Variants in GTF2I observed in about 807,000 individuals in gnomAD.
The protein encoded by GTF2I is general transcription factor II-I.
In GTF2I, 12 loss-of-function variants were observed where a neutral mutation model predicts 67.6. The observed-to-expected ratio is 0.18, with a 90% CI of 0.11 to 0.29. The LOEUF (loss-of-function observed/expected upper bound fraction) is 0.29. Ranked by LOEUF, GTF2I falls within the 10% of genes least tolerant of loss-of-function variation. The pLI, the probability that GTF2I is intolerant of heterozygous loss-of-function variation, is 1.00. For synonymous variants in GTF2I, 149 were observed against 197.0 expected, an observed-to-expected ratio of 0.76 and a Z score of 2.04; for missense variants, 271 against 580.1, an observed-to-expected ratio of 0.47 and a Z score of 5.47.
intron 3 of GTF2I, among the ~76,000 whole-genome samples, chr7:74,696,728 C>T (rs1788957987): frequency 6.6e-6 from 1 of 152,126 alleles, no homozygotes; most frequent in Admixed American, 6.5e-5. Flanking sequence ...CTCCTGACCT[C>T]AGGCGATCTG....
At chr7:74,687,365 C>T (rs1787829322) in intron 1 of GTF2I, among the ~76,000 whole-genome samples, 2 of 151,984 alleles carry the variant, frequency 1.3e-5, no homozygotes, top group Admixed American at 1.3e-4. Context: ...GCTGGGATTA[C>T]AGGTGCGTGC....
chr7:74,678,802 C>T (rs782341676), intron 1 of GTF2I, among the ~76,000 whole-genome samples: 123 of 152,072 alleles, frequency 8.1e-4, no homozygotes, highest in Non-Finnish European at 1.5e-3. Context: ...GACAGAGTCT[C>T]GCTCTGTCAC....
At chr7:74,721,403 T>A (rs180974066) in intron 12 of GTF2I, among the ~76,000 whole-genome samples, 2 of 152,194 alleles carry the variant, frequency 1.3e-5, no homozygotes, top group Non-Finnish European at 2.9e-5. Context: ...CATTTGTGAT[T>A]AAGTAGTAGA....
chr7:74,667,927 G>A (rs587740708), intron 1 of GTF2I, among the ~76,000 whole-genome samples: 7 of 150,396 alleles, frequency 4.7e-5, no homozygotes, highest in African/African-American at 1.7e-4. Context: ...TCCATCTCCC[G>A]GGTTCAAGTG....
chr7:74,708,191 T>G (rs1791019699), intron 8 of GTF2I, among the ~76,000 whole-genome samples: 1 of 151,982 alleles, frequency 6.6e-6, no homozygotes. Context: ...TAATCCCAGC[T>G]ACTCAAGAGG....
intron 3 of GTF2I, among the ~76,000 whole-genome samples, chr7:74,695,373 T>G (rs1466507150): frequency 6.6e-6 from 1 of 152,198 alleles, no homozygotes; most frequent in African/African-American, 2.4e-5. Flanking sequence ...GAGAGACCTT[T>G]CATGAAAGCA....
chr7:74,726,117 T>C (rs1164815185), intron 12 of GTF2I, among the ~76,000 whole-genome samples: 1 of 151,998 alleles, frequency 6.6e-6, no homozygotes, highest in Admixed American at 6.5e-5. Flanking sequence ...TCAGTTTATG[T>C]CACTCAATGA....
chr7:74,661,907 A>T (rs1005811029), intron 1 of GTF2I, among the ~76,000 whole-genome samples: 4 of 152,142 alleles, frequency 2.6e-5, no homozygotes, highest in Non-Finnish European at 5.9e-5. Flanking sequence ...TTTATTTATT[A>T]ATTTAGTCGC....
At position 74,676,793 on chromosome 7, in the gene GTF2I, T is replaced by C. The variant is rs1282922004; in HGVS notation, c.-5-12331T>C. 5.3e-5 allele frequency among the ~76,000 whole-genome samples: 8 copies of C among 152,262 alleles called. No homozygotes were observed. In the East Asian group the frequency reaches 1.5e-3, roughly 29 times the overall value. ...CAATTTGGCTGGGCATGATGGCTCA[T>C]GCCTGTAATCCCAGCACTTTAGGAG... On this transcript the variant is annotated intron_variant, in intron 1 of 34. Coordinates refer to ENST00000573035, the MANE Select transcript of GTF2I (RefSeq NM_032999.4).
chr7:74,723,912 T>C (rs1793438312), intron 12 of GTF2I, among the ~76,000 whole-genome samples: 1 of 151,258 alleles, frequency 6.6e-6, no homozygotes, highest in Non-Finnish European at 1.5e-5. Context: ...GAAAACTAGC[T>C]TGGGAGCCTC....
At chr7:74,728,557 TAATG>T (rs1794157436) in intron 12 of GTF2I, 1 of 86,578 alleles carries the variant, frequency 1.2e-5, no homozygotes, top group Non-Finnish European at 2.3e-5. Context: ...AACTAAAAAA[TAATG>T]AAGAAAGACA....
At chr7:74,682,764 C>CA (rs1787376721) in intron 1 of GTF2I, among the ~76,000 whole-genome samples, 1 of 152,132 alleles carries the variant, frequency 6.6e-6, no homozygotes, top group Non-Finnish European at 1.5e-5. Context: ...TTGGAATTAT[C>CA]AGAGACTATA....
At chr7:74,689,287 AT>A (rs1304245394) in intron 2 of GTF2I, 60 bp downstream of exon 2, 1 of 627,082 alleles carries the variant, frequency 1.6e-6, no homozygotes, top group Non-Finnish European at 2.6e-6. Context: ...GATAAGGTTG[AT>A]TTGTTTTTGT....
chr7:74,718,926 G>T lies in GTF2I; in HGVS notation c.928G>T (p.Glu310Ter). The T allele has an allele frequency of 6.4e-7, 1 of 1,564,226 alleles. No individual in the cohort carries two copies. Among genetic ancestry groups the T allele is most frequent in the Admixed American group, 1.8e-5 (1 of 54,408 alleles). ...AGAAACAAGTGAGGACCCTGAAGTT[G>T]AGGTGACTATTGAAGGTTAGTTATC... ...PSETSEDPEV[E>*]VTIEDDDYSP... Residue 310 changes from glutamate (E) to a stop codon, truncating the protein, a stop_gained, in exon 12 of 35, where the codon GAG (glutamate) becomes TAG (stop). Transcript: ENST00000573035. LOFTEE classifies it high-confidence loss of function.
intron 3 of GTF2I, among the ~76,000 whole-genome samples, chr7:74,698,471 T>C (rs1789267735): frequency 1.3e-5 from 2 of 150,394 alleles, no homozygotes; most frequent in Non-Finnish European, 3.0e-5. Flanking sequence ...TGTGGTATGT[T>C]CTCGGCCCCA....
At chr7:74,694,734 C>T (rs981185209) in intron 3 of GTF2I, among the ~76,000 whole-genome samples, 4 of 152,168 alleles carry the variant, frequency 2.6e-5, no homozygotes, top group South Asian at 2.1e-4. Context: ...CGATTTTCAA[C>T]GTAGACAAAA....
At chr7:74,695,252 G>GA (rs1678068661) in intron 3 of GTF2I, among the ~76,000 whole-genome samples, 1 of 152,132 alleles carries the variant, frequency 6.6e-6, no homozygotes, top group African/African-American at 2.4e-5. Flanking sequence ...AGGATTTAGA[G>GA]TATGACATAA....
chr7:74,715,073 T>C, intron 10 of GTF2I, 157 bp downstream of exon 10: 1 of 445,488 alleles, frequency 2.2e-6, no homozygotes, highest in Non-Finnish European at 3.9e-6. Flanking sequence ...ATAAATGAAC[T>C]TCACAAGCAA....
At chr7:74,683,643 A>G (rs1787444493) in intron 1 of GTF2I, among the ~76,000 whole-genome samples, 3 of 152,196 alleles carry the variant, frequency 2.0e-5, no homozygotes, top group African/African-American at 7.2e-5. Flanking sequence ...ACCTGAGGTC[A>G]GGAGCTCAAG....
Sources: gnomAD v4.1 joint callset for allele counts (sites outside exome capture counted in the v4.1 genomes callset) on GRCh38, gnomAD v4.1.1 for gene constraint, MANE v1.5 for transcripts, NCBI Gene and HGNC (gene_info 2026-07-23, HGNC 2026-07-21) for gene names.